Variants in GCFC2 observed in about 807,000 individuals in gnomAD.
The protein encoded by GCFC2 is intron Large complex component GCFC2.
A neutral mutation model predicts 99.4 loss-of-function variants in GCFC2; 102 were observed. That is an observed-to-expected ratio of 1.03 (90% CI 0.87 to 1.21). GCFC2 has a LOEUF of 1.21. Among genes scored for constraint, GCFC2 ranks in the 50% most tolerant of loss-of-function variants. GCFC2 has a pLI of 0.00. For missense variants in GCFC2, 973 were observed against 920.9 expected (o/e 1.06, Z -0.73); for synonymous variants, 338 against 316.8 (o/e 1.07, Z -0.71).
At chr2:75,706,464 A>C in intron 2 of GCFC2, 59 bp downstream of exon 2, 1 of 1,091,658 alleles carries the variant, frequency 9.2e-7, no homozygotes, top group South Asian at 1.5e-5. Context: ...ATTAATAACT[A>C]TATCAAAAAC....
At chr2:75,683,200 T>C (rs1179415600) in intron 11 of GCFC2, among the ~76,000 whole-genome samples, 3 of 151,746 alleles carry the variant, frequency 2.0e-5, no homozygotes, top group Non-Finnish European at 2.9e-5. Flanking sequence ...GAAAGAAAGG[T>C]TGGGTTACCC....
In GCFC2 at chr2:75,705,345, C is replaced by T. The variant is rs150096746; in HGVS notation, c.394+1178G>A. Among the ~76,000 whole-genome samples the T allele has an allele frequency of 4.4e-3, 662 of 152,020 alleles. 6 individuals are homozygous for T. The highest frequency in any genetic ancestry group is 0.015 in the African/African-American group (613 of 41,464). ...AGGCTAATAAAGAAGCACTTATGGCCGGGCGTGGTGGCTCACGTCTGTAAT... is the reference window on the plus strand; with the variant it reads ...AGGCTAATAAAGAAGCACTTATGGCTGGGCGTGGTGGCTCACGTCTGTAAT... On this transcript the variant is annotated intron_variant, in intron 2 of 16. Transcript: ENST00000321027.
At chr2:75,672,185 A>AT (rs1679120547) in intron 13 of GCFC2, among the ~76,000 whole-genome samples, 169 bp from the exon 14 acceptor site, 1 of 145,544 alleles carries the variant, frequency 6.9e-6, no homozygotes, top group Non-Finnish European at 1.5e-5. Flanking sequence ...TTATTTATAA[A>AT]ATATATATTT....
At position 75,689,959 on chromosome 2, in the gene GCFC2, G is replaced by C. The variant is rs778580410; in HGVS notation, c.1339+10C>G. 1.4e-6 allele frequency: 2 copies of C among 1,432,176 alleles called. No individual in the cohort carries two copies. Among genetic ancestry groups the C allele is most frequent in the East Asian group, 4.6e-5 (2 of 43,382 alleles). 88.7% of individuals were successfully genotyped at this position (1,432,176 alleles called of 1,614,324 possible). Reference sequence around the variant, plus strand: ...TCAAACCATGATATATTAGAAACTTGGTAACTGACCTTGGCTTTTTTGGAA... The same window carrying C: ...TCAAACCATGATATATTAGAAACTTCGTAACTGACCTTGGCTTTTTTGGAA... On this transcript the variant is annotated intron_variant, in intron 9 of 16. Coordinates refer to ENST00000321027, the MANE Select transcript of GCFC2 (RefSeq NM_003203.5).
intron 14 of GCFC2, chr2:75,670,813 A>C (rs34645183): frequency 0.22 from 32,887 of 152,676 alleles, 3,904 homozygotes; most frequent in South Asian, 0.27. Context: ...CTAAATTCAG[A>C]TCTTTCTGTG....
intron 11 of GCFC2, among the ~76,000 whole-genome samples, chr2:75,681,146 C>G (rs1275804325): frequency 1.3e-5 from 2 of 152,166 alleles, no homozygotes; most frequent in African/African-American, 4.8e-5. Context: ...GCCAAGATGG[C>G]CGAATAGGAA....
intron 8 of GCFC2, 111 bp from the exon 9 acceptor site, chr2:75,690,192 T>G (rs1680002019): frequency 1.5e-6 from 1 of 669,278 alleles, no homozygotes; most frequent in Admixed American, 2.7e-5. Context: ...TTATCATTTA[T>G]TTTAAATGGC....
chr2:75,701,194 A>G lies in GCFC2; in HGVS notation c.713T>C (p.Ile238Thr). 2 of 1,532,158 alleles carry G rather than the reference A, an allele frequency of 1.3e-6. No homozygotes were observed. The highest frequency in any genetic ancestry group is 1.7e-4 in the Middle Eastern group (1 of 5,890). 94.9% of individuals were successfully genotyped at this position (1,532,158 alleles called of 1,614,324 possible). The change falls in exon 4 of 17, where the codon ATA becomes ACA. Residue 238 changes from isoleucine to threonine, a missense_variant. Transcript: ENST00000321027. ...CATGGGATAAAAAATGATTACCTCT[A>G]TGATTTTAACTGCTTTCCTCATTTG... is the stretch of plus-strand genomic sequence containing the variant. ...QQQMRKAVKI[I>T]EERDIDLSCG...
chr2:75,707,861 G>T (rs1680943362), intron 1 of GCFC2, among the ~76,000 whole-genome samples: 1 of 152,146 alleles, frequency 6.6e-6, no homozygotes, highest in East Asian at 1.9e-4. Flanking sequence ...AGCAGTTATG[G>T]TATTTTTCCT....
intron 1 of GCFC2, among the ~76,000 whole-genome samples, chr2:75,708,896 A>G (rs1680988917): frequency 1.3e-5 from 2 of 152,206 alleles, no homozygotes; most frequent in South Asian, 4.1e-4. Context: ...TAAAAATGCT[A>G]TTAAGTACTC....
chr2:75,699,805 G>C (rs576152936), intron 4 of GCFC2, among the ~76,000 whole-genome samples: 2 of 152,126 alleles, frequency 1.3e-5, no homozygotes, highest in East Asian at 3.9e-4. Flanking sequence ...TCAAACTACT[G>C]GGCTGAAGTG....
chr2:75,687,584 G>A (rs750770197), intron 11 of GCFC2, among the ~76,000 whole-genome samples: 3 of 152,176 alleles, frequency 2.0e-5, no homozygotes. Flanking sequence ...TGTTGGAACT[G>A]CTGATGATAC....
At chr2:75,689,579 A>G (rs1210776313) in intron 9 of GCFC2, among the ~76,000 whole-genome samples, 1 of 152,134 alleles carries the variant, frequency 6.6e-6, no homozygotes, top group Non-Finnish European at 1.5e-5. Context: ...TAGAACCCAA[A>G]TTTATTTAAA....
At chr2:75,664,894 G>A (rs1209638958) in intron 16 of GCFC2, 111 bp from the exon 17 acceptor site, 2 of 649,942 alleles carry the variant, frequency 3.1e-6, no homozygotes, top group Non-Finnish European at 5.5e-6. Flanking sequence ...TTTACCTTAA[G>A]CCAATATCTA....
Position 75,710,793 on chromosome 2 carries a change from G to A in GCFC2, c.63C>T (p.Gly21=). 6.3e-7 allele frequency: 1 copy of A among 1,577,012 alleles called. No individual in the cohort carries two copies. ...CAGGCTCAGCAGGCGACTCCTCGGC[G>A]CCATCGCTGTCGCTGGAATCAGCCG... ...QRAADSSDSD[G]AEESPAEPGA... Residue 21 remains glycine, a synonymous_variant, in exon 1 of 17, where the codon GGC becomes GGT. Transcript: ENST00000321027.
Position 75,694,369 on chromosome 2 carries a change from G to T in GCFC2, c.892C>A (p.Gln298Lys). 6.5e-7 allele frequency: 1 copy of T among 1,531,928 alleles called. No individual in the cohort carries two copies. The highest frequency in any genetic ancestry group is 8.9e-7 in the Non-Finnish European group (1 of 1,121,148). 94.9% of individuals were successfully genotyped at this position (1,531,928 alleles called of 1,614,324 possible). The change falls in exon 6 of 17, where the codon CAA (glutamine) becomes AAA (lysine). Residue 298 changes from glutamine to lysine, a missense_variant. By Grantham distance (53) the Gln-to-Lys change is moderately conservative. Transcript: ENST00000321027. ...SHLREYEKYV[Q>K]DVKSSKSTIQ... ...GTACTCTTTGAGCTTTTGACATCTT[G>T]TACGTATTTTTCATACTCCCTCAGG...
chr2:75,694,168 T>A, intron 6 of GCFC2, 73 bp downstream of exon 6: 1 of 443,378 alleles, frequency 2.3e-6, no homozygotes, highest in Non-Finnish European at 4.0e-6. Context: ...AATTGTGAGA[T>A]TTAGACTTTT....
intron 9 of GCFC2, 24 bp from the exon 10 acceptor site, chr2:75,689,249 A>G: frequency 6.7e-6 from 9 of 1,341,816 alleles, no homozygotes; most frequent in Non-Finnish European, 9.6e-6. Flanking sequence ...AAGTCTCTTT[A>G]TGCATTTTAA....
chr2:75,663,085 A>T lies in GCFC2; in HGVS notation c.*1581T>A, dbSNP rs1029319355. 2.0e-5 allele frequency: 3 copies of T among 152,174 alleles called. No individual in the cohort carries two copies. Among genetic ancestry groups the T allele is most frequent in the African/African-American group, 7.2e-5 (3 of 41,440 alleles). The allele number at this position is 152,174 out of a possible 1,614,324, so 9.4% of individuals were successfully genotyped here. The stretch of plus-strand genomic sequence containing the variant: ...GTTTGCATTTTCTAGATGAGATTCT[A>T]TCCTTGTATAATTTTGTTACTAATA... On this transcript the variant is annotated 3_prime_UTR_variant, in exon 17 of 17. Transcript: ENST00000321027.
Sources: gnomAD v4.1 joint callset for allele counts (sites outside exome capture counted in the v4.1 genomes callset) on GRCh38, gnomAD v4.1.1 for gene constraint, MANE v1.5 for transcripts, NCBI Gene and HGNC (gene_info 2026-07-23, HGNC 2026-07-21) for gene names.